KCNU1: variants seen among roughly 807,000 people sequenced by gnomAD.
KCNU1 encodes potassium channel subfamily U member 1.
In KCNU1, 93 loss-of-function variants were observed where a neutral mutation model predicts 126.8. That is an observed-to-expected ratio of 0.73 (90% CI 0.62 to 0.87). The LOEUF is 0.87. Among genes scored for constraint, KCNU1 ranks in the 40% least tolerant of loss-of-function variants. KCNU1 has a pLI of 0.00. For synonymous variants in KCNU1, 523 were observed against 494.2 expected (o/e 1.06, Z -0.77); for missense variants, 1,330 against 1,367.1 (o/e 0.97, Z 0.43).
At chr8:36,836,667 T>C in intron 13 of KCNU1, 126 bp from the exon 14 acceptor site, 3 of 853,230 alleles carry the variant, frequency 3.5e-6, no homozygotes, top group Non-Finnish European at 5.4e-6. Context: ...GGGCACCACT[T>C]TTGTGTGCAA....
At chr8:36,873,233 A>C (rs951249684) in intron 19 of KCNU1, among the ~76,000 whole-genome samples, 3 of 152,082 alleles carry the variant, frequency 2.0e-5, no homozygotes, top group Non-Finnish European at 4.4e-5. Flanking sequence ...GCCTACTAAG[A>C]ATAATTACTT....
chr8:36,933,284 G>A (rs910563601), intron 26 of KCNU1, among the ~76,000 whole-genome samples: 3 of 151,952 alleles, frequency 2.0e-5, no homozygotes, highest in African/African-American at 4.8e-5. Context: ...ATTGAAACAC[G>A]GAGCTAGATT....
intron 9 of KCNU1, among the ~76,000 whole-genome samples, chr8:36,816,975 T>G (rs953410180): frequency 6.6e-6 from 1 of 152,100 alleles, no homozygotes; most frequent in African/African-American, 2.4e-5. Flanking sequence ...CAAAAAACCC[T>G]CTCTCAGACA....
intron 19 of KCNU1, among the ~76,000 whole-genome samples, chr8:36,867,065 A>C (rs1435287320): frequency 6.6e-6 from 1 of 152,180 alleles, no homozygotes; most frequent in Non-Finnish European, 1.5e-5. Context: ...GTACAAGGGA[A>C]AGAAGTTGGA....
chr8:36,807,569 A>G (rs1803551684), intron 6 of KCNU1, 119 bp downstream of exon 6: 3 of 754,408 alleles, frequency 4.0e-6, no homozygotes, highest in Non-Finnish European at 6.9e-6. Context: ...AGATCATGAA[A>G]TCTCTCAGCT....
At chr8:36,808,637 T>C in intron 6 of KCNU1, 81 bp from the exon 7 acceptor site, 1 of 849,926 alleles carries the variant, frequency 1.2e-6, no homozygotes, top group Non-Finnish European at 1.9e-6. Flanking sequence ...ACACTTTGTG[T>C]AGCAACATCT....
intron 25 of KCNU1, among the ~76,000 whole-genome samples, chr8:36,932,119 G>A (rs1215079042): frequency 6.6e-6 from 1 of 152,110 alleles, no homozygotes; most frequent in African/African-American, 2.4e-5. Flanking sequence ...CTGCCAAAAG[G>A]GGCAGGACCC....
chr8:36,840,545 T>G lies in KCNU1; in HGVS notation c.1601T>G (p.Phe534Cys). The G allele has an allele frequency of 6.2e-7, 1 of 1,611,980 alleles. No individual in the cohort carries two copies. The highest frequency in any genetic ancestry group is 8.5e-7 in the Non-Finnish European group (1 of 1,178,320). Residue 534 changes from phenylalanine (F) to cysteine (C), a missense_variant, in exon 15 of 27, where the codon TTT (phenylalanine) becomes TGT (cysteine). Transcript: ENST00000399881. ...KILTQRLSDDFAGMSFPEVAR... is the reference protein window; with the variant it reads ...KILTQRLSDDCAGMSFPEVAR... ...CTGACCCAACGTCTCTCTGATGACT[T>G]TGCTGGAATGAGCTTTCCTGAAGTT...
intron 19 of KCNU1, among the ~76,000 whole-genome samples, chr8:36,888,221 A>G (rs111717945): frequency 0.017 from 2,578 of 152,308 alleles, 80 homozygotes; most frequent in African/African-American, 0.059. Flanking sequence ...CATAGACAAC[A>G]TGGAACAACG....
intron 19 of KCNU1, among the ~76,000 whole-genome samples, chr8:36,875,203 G>C (rs944592558): frequency 4.0e-5 from 6 of 151,790 alleles, no homozygotes; most frequent in Non-Finnish European, 7.4e-5. Context: ...TATTAGGATT[G>C]ATAGTGCATA....
chr8:36,841,034 G>GTTTTTTTTTTTTTTTTTTTTT, intron 16 of KCNU1, 31 bp downstream of exon 16: 1 of 562,564 alleles, frequency 1.8e-6, no homozygotes. Flanking sequence ...CTCTTCAGTT[G>GTTTTTTTTTTTTTTTTTTTTT]TTTTTTTTTT....
chr8:36,815,895 C>G (rs966959050), intron 9 of KCNU1, among the ~76,000 whole-genome samples: 1 of 152,150 alleles, frequency 6.6e-6, no homozygotes, highest in Admixed American at 6.5e-5. Flanking sequence ...CATAGATGCT[C>G]ATAAGAAAAC....
chr8:36,824,716 C>G (rs16885461), intron 10 of KCNU1, among the ~76,000 whole-genome samples: 4,304 of 152,000 alleles, frequency 0.028, 294 homozygotes, highest in East Asian at 0.26. Flanking sequence ...AATATTATTT[C>G]CCTTTTCCTG....
In KCNU1 at chr8:36,928,953, G is replaced by A. The variant is rs188832704; in HGVS notation, c.2737-1998G>A. ...TACACTCATTAATATCACTTCAGAT[G>A]ATCCAGATACATGAGAAGCAATGAT... On this transcript the variant is annotated intron_variant, in intron 24 of 26. Coordinates refer to ENST00000399881, the MANE Select transcript of KCNU1 (RefSeq NM_001031836.3). The A allele has an allele frequency of 4.2e-5, 29 of 693,194 alleles. No homozygotes were observed. In the Admixed American group the frequency reaches 5.1e-4, roughly 12 times the overall value. The allele number at this position is 693,194 out of a possible 1,614,324, so 42.9% of individuals were successfully genotyped here.
Position 36,865,610 on chromosome 8 carries a change from T to TA in KCNU1, c.2009+1105dup, listed in dbSNP as rs36114647. On this transcript the variant is annotated intron_variant, in intron 19 of 26. Transcript: ENST00000399881. The stretch of plus-strand genomic sequence containing the variant: ...AGAAAGACCCTGTCTCTGCAAAAAT[T>TA]AAAAAAAAAAAAAAAATGAGCCAGG... Among the ~76,000 whole-genome samples, 551 of 138,280 alleles carry TA rather than the reference T, an allele frequency of 4.0e-3. 4 individuals carry two copies. The highest frequency in any genetic ancestry group is 0.018 in the Middle Eastern group (5 of 278). The allele number at this position is 138,280 out of a possible 152,430, so 90.7% of individuals were successfully genotyped here.
At chr8:36,932,825 C>A in intron 25 of KCNU1, 95 bp from the exon 26 acceptor site, 1 of 709,246 alleles carries the variant, frequency 1.4e-6, no homozygotes, top group Non-Finnish European at 2.5e-6. Context: ...TTCCAAGCTT[C>A]TACTACCAGA....
intron 16 of KCNU1, among the ~76,000 whole-genome samples, chr8:36,842,664 A>C (rs1296880211): frequency 6.6e-6 from 1 of 152,034 alleles, no homozygotes; most frequent in Non-Finnish European, 1.5e-5. Context: ...AATTATTTGC[A>C]TAAGTTTTTT....
chr8:36,896,978 A>T (rs369105578), intron 19 of KCNU1, among the ~76,000 whole-genome samples: 3 of 151,998 alleles, frequency 2.0e-5, no homozygotes, highest in Admixed American at 6.6e-5. Flanking sequence ...TCTTCCATTT[A>T]CTCCACAAGA....
At chr8:36,918,745 A>G in intron 22 of KCNU1, 78 bp from the exon 23 acceptor site, 2 of 881,448 alleles carry the variant, frequency 2.3e-6, no homozygotes, top group South Asian at 2.8e-5. Context: ...GCACCAAGTT[A>G]CATTATATTC....
Sources: allele counts gnomAD v4.1 joint callset (sites outside exome capture counted in the v4.1 genomes callset), GRCh38; gene constraint gnomAD v4.1.1; transcripts MANE v1.5; gene names NCBI Gene and HGNC (gene_info 2026-07-23, HGNC 2026-07-21).